The following PRKCE variants were observed in gnomAD, a reference collection of about 807,000 sequenced individuals.
The protein encoded by PRKCE is protein kinase C epsilon type.
In PRKCE, 16 loss-of-function variants were observed where a neutral mutation model predicts 85.4. That is an observed-to-expected ratio of 0.19 (90% CI 0.13 to 0.28). PRKCE has a LOEUF of 0.28. Among genes scored for constraint, PRKCE ranks in the 10% least tolerant of loss-of-function variants. PRKCE has a pLI of 1.00. For synonymous variants in PRKCE, 388 were observed against 371.5 expected, an observed-to-expected ratio of 1.04 and a Z score of -0.51; for missense variants, 573 against 975.2, an observed-to-expected ratio of 0.59 and a Z score of 5.49.
chr2:45,708,570 C>T (rs1025232722), intron 1 of PRKCE, among the ~76,000 whole-genome samples: 1 of 152,248 alleles, frequency 6.6e-6, no homozygotes, highest in African/African-American at 2.4e-5. Flanking sequence ...TCCTTGCCTT[C>T]CACCATGATG....
intron 1 of PRKCE, among the ~76,000 whole-genome samples, chr2:45,722,190 A>G (rs1680680070): frequency 6.6e-6 from 1 of 152,112 alleles, no homozygotes; most frequent in African/African-American, 2.4e-5. Context: ...GAGACATTGC[A>G]CTGTTGTTTA....
At chr2:45,877,422 C>A (rs1331162490) in intron 2 of PRKCE, among the ~76,000 whole-genome samples, 1 of 152,058 alleles carries the variant, frequency 6.6e-6, no homozygotes, top group African/African-American at 2.4e-5. Flanking sequence ...CTTACTCTTT[C>A]TTCTACGTTT....
At chr2:45,682,186 TAA>T (rs1412500962) in intron 1 of PRKCE, among the ~76,000 whole-genome samples, 1 of 152,250 alleles carries the variant, frequency 6.6e-6, no homozygotes, top group Non-Finnish European at 1.5e-5. Context: ...TAGAATTTGA[TAA>T]GTTTGAACTT....
At chr2:45,984,504 G>A (rs376356355) in intron 5 of PRKCE, 47 bp from the exon 6 acceptor site, 4 of 1,584,176 alleles carry the variant, frequency 2.5e-6, no homozygotes, top group African/African-American at 1.3e-5. Context: ...AGTCTTCTGG[G>A]GAACTGAGGA....
intron 2 of PRKCE, among the ~76,000 whole-genome samples, chr2:45,861,461 T>C (rs1422943153): frequency 1.3e-5 from 2 of 152,158 alleles, no homozygotes; most frequent in African/African-American, 4.8e-5. Context: ...CTAACAGTTA[T>C]CAAAAATATA....
At chr2:45,986,150 T>A (rs2711288) in intron 6 of PRKCE, among the ~76,000 whole-genome samples, 71,453 of 152,074 alleles carry the variant, frequency 0.47, 17,505 homozygotes, top group East Asian at 0.65. Context: ...AACAGTTTTA[T>A]AAAGAAGTGG....
In PRKCE at chr2:46,186,390, A is replaced by C. The variant is rs1481232801; in HGVS notation, c.*1509A>C. 2 of 152,624 alleles carry C rather than the reference A, an allele frequency of 1.3e-5. No individual in the cohort carries two copies. The highest frequency in any genetic ancestry group is 2.9e-5 in the Non-Finnish European group (2 of 68,042). The allele number at this position is 152,624 out of a possible 1,614,324, so 9.5% of individuals were successfully genotyped here. The stretch of plus-strand genomic sequence containing the variant: ...TTTTGTACATTTGAGATTTTTGTAT[A>C]TAGTGTTTGCTGCAAGGCCTGTGGA... On this transcript the variant is annotated 3_prime_UTR_variant, in exon 15 of 15. Coordinates refer to ENST00000306156, the MANE Select transcript of PRKCE (RefSeq NM_005400.3).
chr2:45,865,170 G>A (rs1030905883), intron 2 of PRKCE, among the ~76,000 whole-genome samples: 2 of 152,192 alleles, frequency 1.3e-5, no homozygotes, highest in Non-Finnish European at 2.9e-5. Flanking sequence ...GCTCCTAGGC[G>A]ATGCCAGTTC....
chr2:45,794,172 G>A (rs1017177095), intron 1 of PRKCE, among the ~76,000 whole-genome samples: 2 of 152,084 alleles, frequency 1.3e-5, no homozygotes, highest in Non-Finnish European at 2.9e-5. Flanking sequence ...TGGCATCATT[G>A]ATTTATGAAT....
In PRKCE at chr2:45,872,739, G is replaced by T. The variant is rs1184092799; in HGVS notation, c.412+29676G>T. On this transcript the variant is annotated intron_variant, in intron 2 of 14. Coordinates refer to ENST00000306156, the MANE Select transcript of PRKCE (RefSeq NM_005400.3). Reference sequence around the variant, plus strand: ...CTAAGCAACTGGAAGGACAGAGTTGGTGTTAACTGATATGGGCCAGACCTC... The same window carrying T: ...CTAAGCAACTGGAAGGACAGAGTTGTTGTTAACTGATATGGGCCAGACCTC... Among the ~76,000 whole-genome samples, 3 of 152,236 alleles carry T rather than the reference G, an allele frequency of 2.0e-5. No homozygotes were observed. The East Asian group carries it at 5.8e-4, about 29-fold the overall frequency.
At chr2:45,707,431 T>C (rs1040656615) in intron 1 of PRKCE, among the ~76,000 whole-genome samples, 1 of 152,236 alleles carries the variant, frequency 6.6e-6, no homozygotes, top group Admixed American at 6.5e-5. Context: ...ATTTAAACAT[T>C]GATTATCTCA....
chr2:45,844,101 A>G (rs1461719019), intron 2 of PRKCE, among the ~76,000 whole-genome samples: 1 of 152,216 alleles, frequency 6.6e-6, no homozygotes, highest in African/African-American at 2.4e-5. Context: ...AGAAGGAAGG[A>G]TTACATATTC....
At chr2:45,958,809 TATATATA>T (rs1209643589) in intron 2 of PRKCE, among the ~76,000 whole-genome samples, 34 of 27,798 alleles carry the variant, frequency 1.2e-3, no homozygotes, top group Middle Eastern at 9.3e-3. Flanking sequence ...TATATATATA[TATATATA>T]TTTTTTTTTT....
At chr2:45,945,247 AGGCTGT>A (rs1440996281) in intron 2 of PRKCE, among the ~76,000 whole-genome samples, 1 of 152,220 alleles carries the variant, frequency 6.6e-6, no homozygotes, top group African/African-American at 2.4e-5. Context: ...ACAGTTCTGC[AGGCTGT>A]ACAAGCATGG....
chr2:46,057,903 G>A (rs563607266), intron 10 of PRKCE, among the ~76,000 whole-genome samples: 2 of 152,264 alleles, frequency 1.3e-5, no homozygotes, highest in East Asian at 3.9e-4. Context: ...ACCACTGTTA[G>A]GGCCATCCAC....
chr2:45,686,687 C>T (rs485350), intron 1 of PRKCE, among the ~76,000 whole-genome samples: 39,603 of 151,806 alleles, frequency 0.26, 5,777 homozygotes, highest in Middle Eastern at 0.36. Flanking sequence ...ATATTTTAAA[C>T]CATATTATGG....
chr2:45,999,002 A>G (rs373107083), intron 6 of PRKCE, among the ~76,000 whole-genome samples: 2 of 152,168 alleles, frequency 1.3e-5, no homozygotes, highest in Non-Finnish European at 2.9e-5. Flanking sequence ...TCTCATTACT[A>G]TCATTTATTT....
intron 1 of PRKCE, among the ~76,000 whole-genome samples, chr2:45,780,869 A>G (rs906719451): frequency 2.0e-5 from 3 of 152,200 alleles, no homozygotes; most frequent in Non-Finnish European, 4.4e-5. Flanking sequence ...TGTCTTTCCA[A>G]TTCTCAGCTA....
At chr2:46,150,142 G>A (rs551229213) in intron 12 of PRKCE, among the ~76,000 whole-genome samples, 14 of 152,204 alleles carry the variant, frequency 9.2e-5, no homozygotes, top group Admixed American at 5.2e-4. Context: ...GAGCCATTGC[G>A]CCCAGCCAGA....
Sources: gnomAD v4.1 joint callset for allele counts (sites outside exome capture counted in the v4.1 genomes callset) on GRCh38, gnomAD v4.1.1 for gene constraint, MANE v1.5 for transcripts, NCBI Gene and HGNC (gene_info 2026-07-23, HGNC 2026-07-21) for gene names.